The following SLC24A2 variants were observed in gnomAD, a reference collection of about 807,000 sequenced individuals.
SLC24A2 encodes the protein solute carrier family 24 member 2, also known as sodium/potassium/calcium exchanger 2.
In SLC24A2, 36 loss-of-function variants were observed where a neutral mutation model predicts 62.0. The observed-to-expected ratio is 0.58, with a 90% CI of 0.44 to 0.77. The LOEUF (loss-of-function observed/expected upper bound fraction) is 0.77. Among genes scored for constraint, SLC24A2 ranks in the 30% least tolerant of loss-of-function variants. The pLI is 0.00. For synonymous variants in SLC24A2, 358 were observed against 294.0 expected (o/e 1.22, Z -2.23); for missense variants, 846 against 817.9 (o/e 1.03, Z -0.42).
chr9:19,844,758 C>T, the SLC24A2 span, among the ~76,000 whole-genome samples: 4 of 152,088 alleles, frequency 2.6e-5, no homozygotes, highest in Middle Eastern at 3.2e-3. Flanking sequence ...ATTCCAGCAC[C>T]ATTTATTAAA....
intron 7 of SLC24A2, among the ~76,000 whole-genome samples, chr9:19,551,261 G>A (rs1419838881): frequency 1.3e-5 from 2 of 152,204 alleles, no homozygotes; most frequent in Non-Finnish European, 2.9e-5. Flanking sequence ...GAAAATACAA[G>A]TCAAGCAAGA....
chr9:20,246,394 A>G, the SLC24A2 span, among the ~76,000 whole-genome samples: 3 of 152,138 alleles, frequency 2.0e-5, no homozygotes, highest in Non-Finnish European at 2.9e-5. Flanking sequence ...TCCCTTAAGC[A>G]CCTGTTTTTG....
At chr9:19,619,795 T>C (rs1408055516) in intron 3 of SLC24A2, 103 bp from the exon 4 acceptor site, 5 of 863,266 alleles carry the variant, frequency 5.8e-6, no homozygotes, top group Non-Finnish European at 9.8e-6. Context: ...TTCTGTCGCA[T>C]GATCACACAG....
the SLC24A2 span, among the ~76,000 whole-genome samples, chr9:19,988,862 A>G: frequency 6.6e-6 from 1 of 152,196 alleles, no homozygotes. Context: ...ACCTCCTAGG[A>G]GGACATAAAA....
At chr9:20,186,641 C>A in the SLC24A2 span, among the ~76,000 whole-genome samples, 1 of 151,926 alleles carries the variant, frequency 6.6e-6, no homozygotes, top group African/African-American at 2.4e-5. Flanking sequence ...AATCTCCAAC[C>A]GCACCTCCTT....
the SLC24A2 span, among the ~76,000 whole-genome samples, chr9:20,038,534 G>T: frequency 6.6e-6 from 1 of 150,988 alleles, no homozygotes; most frequent in Non-Finnish European, 1.5e-5. Context: ...CTGCAGAAAT[G>T]CTGAGTGTGA....
At chr9:19,600,581 C>T (rs1222050226) in intron 4 of SLC24A2, among the ~76,000 whole-genome samples, 1 of 152,132 alleles carries the variant, frequency 6.6e-6, no homozygotes, top group East Asian at 1.9e-4. Flanking sequence ...GTGGTCATTA[C>T]TGTGGATCAT....
chr9:20,125,514 C>CCT, the SLC24A2 span, among the ~76,000 whole-genome samples: 1 of 152,102 alleles, frequency 6.6e-6, no homozygotes, highest in African/African-American at 2.4e-5. Context: ...CTATAAGACA[C>CCT]CTATACAAAT....
At chr9:19,738,964 A>G (rs1453846442) in intron 2 of SLC24A2, among the ~76,000 whole-genome samples, 1 of 152,110 alleles carries the variant, frequency 6.6e-6, no homozygotes, top group Non-Finnish European at 1.5e-5. Flanking sequence ...TAATAATACA[A>G]AAATTAGCCA....
intron 10 of SLC24A2, among the ~76,000 whole-genome samples, chr9:19,517,957 A>ACACACACACT (rs71504202): frequency 1.3e-4 from 17 of 135,580 alleles, no homozygotes; most frequent in African/African-American, 4.6e-4. Flanking sequence ...ACACACACAC[A>ACACACACACT]CTCTCACACT....
chr9:19,955,006 T>C, the SLC24A2 span, among the ~76,000 whole-genome samples: 6 of 152,164 alleles, frequency 3.9e-5, no homozygotes, highest in African/African-American at 1.4e-4. Context: ...TTTAACTATA[T>C]ACTCAATTCT....
At chr9:20,014,160 A>G in the SLC24A2 span, among the ~76,000 whole-genome samples, 1 of 152,166 alleles carries the variant, frequency 6.6e-6, no homozygotes, top group African/African-American at 2.4e-5. Flanking sequence ...GTGAGCTATG[A>G]TCATGCCACT....
At chr9:19,591,527 A>T (rs1836552581) in intron 5 of SLC24A2, among the ~76,000 whole-genome samples, 1 of 152,206 alleles carries the variant, frequency 6.6e-6, no homozygotes, top group African/African-American at 2.4e-5. Flanking sequence ...GTTTTGAGCA[A>T]ATTTTACTGA....
intron 8 of SLC24A2, among the ~76,000 whole-genome samples, chr9:19,539,740 G>A (rs1165562940): frequency 2.7e-4 from 6 of 22,554 alleles, no homozygotes; most frequent in Admixed American, 1.5e-3. Context: ...GCAGAGCTGA[G>A]TTCAATTCCT....
intron 2 of SLC24A2, among the ~76,000 whole-genome samples, chr9:19,671,607 T>TA (rs1279942216): frequency 6.6e-6 from 1 of 152,134 alleles, no homozygotes; most frequent in Non-Finnish European, 1.5e-5. Flanking sequence ...TAGAAGTAGT[T>TA]AGAGTGGGCA....
the SLC24A2 span, among the ~76,000 whole-genome samples, chr9:19,800,635 A>G: frequency 1.3e-5 from 2 of 151,082 alleles, no homozygotes; most frequent in Non-Finnish European, 2.9e-5. Flanking sequence ...ATTATACAGT[A>G]CTACTACATT....
chr9:19,871,869 T>C, the SLC24A2 span, among the ~76,000 whole-genome samples: 7 of 152,224 alleles, frequency 4.6e-5, no homozygotes, highest in Non-Finnish European at 7.3e-5. Context: ...TAAAAACATA[T>C]GCAAAATTTT....
intron 2 of SLC24A2, among the ~76,000 whole-genome samples, chr9:19,636,355 CTTTCTTTCTTTCTTTCTTTCTTTCTT>C (rs1465285562): frequency 4.6e-4 from 16 of 34,490 alleles, no homozygotes; most frequent in African/African-American, 1.2e-3. Flanking sequence ...TTCTTTCTTT[CTTTCTTTCTTTCTTTCTTTCTTTCTT>C]TCTTTCTCCC....
At chr9:19,967,951 T>G in the SLC24A2 span, 1 of 152,198 alleles carries the variant, frequency 6.6e-6, no homozygotes, top group African/African-American at 2.4e-5. Context: ...GAAATAACTT[T>G]TTTAAAAACA....
Sources: gnomAD v4.1 joint callset for allele counts (sites outside exome capture counted in the v4.1 genomes callset) on GRCh38, gnomAD v4.1.1 for gene constraint, MANE v1.5 for transcripts, NCBI Gene and HGNC (gene_info 2026-07-23, HGNC 2026-07-21) for gene names.